The following CELF2 variants were observed in gnomAD, a reference collection of about 807,000 sequenced individuals.
CELF2 encodes CUG triplet repeat RNA-binding protein 2.
Under a neutral mutation model 62.6 loss-of-function variants are expected in CELF2, and 8 were observed. The observed-to-expected ratio is 0.13, with a 90% CI of 0.07 to 0.23. CELF2 has a LOEUF of 0.23. CELF2 is among the 10% of genes least tolerant of loss of function. The pLI, the probability that CELF2 is intolerant of heterozygous loss-of-function variation, is 1.00. For synonymous variants in CELF2, 258 were observed against 250.0 expected, an observed-to-expected ratio of 1.03 and a Z score of -0.30; for missense variants, 333 against 671.0, an observed-to-expected ratio of 0.50 and a Z score of 5.56.
At chr10:11,312,750 ATGGTGAAACCCCG>A (rs1231947000) in intron 9 of CELF2, among the ~76,000 whole-genome samples, 1 of 152,232 alleles carries the variant, frequency 6.6e-6, no homozygotes, top group Non-Finnish European at 1.5e-5. Flanking sequence ...CCTGGCCAAC[ATGGTGAAACCCCG>A]TCTCTAATAA....
chr10:10,802,438 C>T (rs2131541694), intron 1 of CELF2, among the ~76,000 whole-genome samples: 1 of 152,236 alleles, frequency 6.6e-6, no homozygotes, highest in Non-Finnish European at 1.5e-5. Flanking sequence ...CCACTGCACT[C>T]CAGCCTGGGT....
the CELF2 span, among the ~76,000 whole-genome samples, chr10:10,780,149 A>G: frequency 6.6e-6 from 1 of 152,162 alleles, no homozygotes; most frequent in African/African-American, 2.4e-5. Flanking sequence ...TCTTTGAAAA[A>G]AGTACATTTT....
chr10:11,175,528 GTTTGAGCCAAACT>G (rs1231089302), intron 2 of CELF2, among the ~76,000 whole-genome samples: 1 of 152,182 alleles, frequency 6.6e-6, no homozygotes, highest in African/African-American at 2.4e-5. Flanking sequence ...AACATGTAGA[GTTTGAGCCAAACT>G]TTTACAGAGA....
the CELF2 span, among the ~76,000 whole-genome samples, chr10:10,627,349 C>T: frequency 6.6e-6 from 1 of 152,152 alleles, no homozygotes; most frequent in Non-Finnish European, 1.5e-5. Context: ...TTTTTAGCTG[C>T]TTGTCGGCTA....
rs1253327490 is a variant in CELF2 at position 10,947,191 on chromosome 10, C to T, written c.89+27192C>T. Reference sequence around the variant, plus strand: ...AGAAGTGCACAGGCTCGCTTTCAAACACAAAAGCTCAGCACACACTTACTC... The same window carrying T: ...AGAAGTGCACAGGCTCGCTTTCAAATACAAAAGCTCAGCACACACTTACTC... On this transcript the variant is annotated intron_variant, in intron 2 of 13. Transcript: ENST00000636488. This position sits in a 1 kb window ranked among gnomAD's most constrained non-coding sequence, Gnocchi z 4.1. 2 of 152,242 alleles carry T rather than the reference C, an allele frequency of 1.3e-5. No individual in the cohort carries two copies. Among genetic ancestry groups the T allele is most frequent in the African/African-American group, 4.8e-5 (2 of 41,446 alleles). The allele number at this position is 152,242 out of a possible 1,614,324, so 9.4% of individuals were successfully genotyped here. A position where few individuals can be genotyped will look rare whatever the true frequency, so the allele number is the denominator to read the frequency against.
intron 3 of CELF2, among the ~76,000 whole-genome samples, chr10:11,239,634 T>C (rs1212567392): frequency 2.0e-5 from 3 of 152,236 alleles, no homozygotes; most frequent in African/African-American, 7.2e-5. Flanking sequence ...GTAGTTTTTT[T>C]CCCCTGGTTG....
chr10:11,329,182 TTACAA>T lies in CELF2; in HGVS notation c.*132_*136del. 1.0e-6 allele frequency: 1 copy of T among 976,572 alleles called. No homozygotes were observed. The highest frequency in any genetic ancestry group is 1.5e-6 in the Non-Finnish European group (1 of 680,716). 60.5% of individuals were successfully genotyped at this position (976,572 alleles called of 1,614,324 possible). On this transcript the variant is annotated 3_prime_UTR_variant, in exon 13 of 13. Coordinates refer to ENST00000633077, the MANE Select transcript of CELF2 (RefSeq NM_001326342.2). The surrounding 1 kb of genome is among the most constrained non-coding windows in gnomAD (Gnocchi z 5.5). Reference sequence around the variant, plus strand: ...CTTTTACCAAGAGAGACGGTTATTTTTACAATAAGGCCTCCATGTCCCCACCCACT... The same window carrying T: ...CTTTTACCAAGAGAGACGGTTATTTTTAAGGCCTCCATGTCCCCACCCACT...
Position 11,257,811 on chromosome 10 carries a change from C to T in CELF2, c.477C>T (p.Phe159=), listed in dbSNP as rs1276964628. The T allele has an allele frequency of 6.2e-7, 1 of 1,614,056 alleles. No individual in the cohort carries two copies. Among genetic ancestry groups the T allele is most frequent in the Non-Finnish European group, 8.5e-7 (1 of 1,179,962 alleles). ...KCNENDIRVM[F]SPFGQIEECR... Reference sequence around the variant, plus strand: ...ATGAGAACGACATCAGGGTGATGTTCTCTCCATTTGGCCAGATAGAAGAAT... The same window carrying T: ...ATGAGAACGACATCAGGGTGATGTTTTCTCCATTTGGCCAGATAGAAGAAT... Residue 159 remains phenylalanine (F), a synonymous_variant, in exon 5 of 13, where the codon TTC becomes TTT. Transcript: ENST00000633077.
chr10:10,657,747 A>G, the CELF2 span, among the ~76,000 whole-genome samples: 102 of 152,254 alleles, frequency 6.7e-4, no homozygotes, highest in East Asian at 0.02. Context: ...GCATCCCACA[A>G]GGTTTTCCAT....
intron 4 of CELF2, among the ~76,000 whole-genome samples, chr10:11,252,025 A>G (rs1282915526): frequency 6.6e-6 from 1 of 152,224 alleles, no homozygotes; most frequent in African/African-American, 2.4e-5. Context: ...CTGAATTTTC[A>G]GTAAGAAAAG....
chr10:10,845,973 A>G (rs2058987957), intron 1 of CELF2: 2 of 211,596 alleles, frequency 9.5e-6, no homozygotes, highest in Non-Finnish European at 8.2e-6. Flanking sequence ...TTAATTCAAT[A>G]TGGTACATCA....
intron 1 of CELF2, among the ~76,000 whole-genome samples, chr10:10,841,453 T>C (rs924517223): frequency 6.6e-6 from 1 of 151,514 alleles, no homozygotes; most frequent in Non-Finnish European, 1.5e-5. Flanking sequence ...TGTAGGTCTG[T>C]GTCTAGGTTC....
chr10:10,647,344 A>G, the CELF2 span, among the ~76,000 whole-genome samples: 3 of 152,148 alleles, frequency 2.0e-5, no homozygotes, highest in African/African-American at 7.2e-5. Flanking sequence ...ACATGTGGGT[A>G]TGGACACCCT....
chr10:10,897,468 AATTG>A (rs2062640624), intron 1 of CELF2, among the ~76,000 whole-genome samples: 1 of 152,194 alleles, frequency 6.6e-6, no homozygotes, highest in Admixed American at 6.5e-5. Context: ...AAGAAAAAAA[AATTG>A]AGGGAGTAAC....
chr10:10,789,758 A>G, the CELF2 span, among the ~76,000 whole-genome samples: 2 of 152,028 alleles, frequency 1.3e-5, no homozygotes, highest in Non-Finnish European at 2.9e-5. Context: ...TTCTTCCTCC[A>G]TACATTTTCT....
the CELF2 span, among the ~76,000 whole-genome samples, chr10:10,749,853 A>G: frequency 3.3e-5 from 5 of 152,266 alleles, no homozygotes; most frequent in African/African-American, 9.6e-5. Flanking sequence ...TAATGAGCCA[A>G]TCTGACTGTT....
intron 2 of CELF2, among the ~76,000 whole-genome samples, chr10:11,196,362 A>G (rs1298728997): frequency 6.6e-6 from 1 of 152,244 alleles, no homozygotes; most frequent in Non-Finnish European, 1.5e-5. Context: ...GAATTCATCT[A>G]TTAACAGGAT....
chr10:11,319,820 A>G lies in CELF2; in HGVS notation c.1097-1369A>G, dbSNP rs2140915470. The G allele has an allele frequency of 2.1e-6, 1 of 471,078 alleles. No individual in the cohort carries two copies. Among genetic ancestry groups the G allele is most frequent in the Middle Eastern group, 3.2e-4 (1 of 3,078 alleles). 29.2% of individuals were successfully genotyped at this position (471,078 alleles called of 1,614,324 possible). A position where few individuals can be genotyped will look rare whatever the true frequency, so the allele number is the denominator to read the frequency against. Reference sequence around the variant, plus strand: ...TGTGTCCTTTTAATTGAAGAGGCGAAGTTGGCCAAATAGAAGCACAAGTGG... The same window carrying G: ...TGTGTCCTTTTAATTGAAGAGGCGAGGTTGGCCAAATAGAAGCACAAGTGG... On this transcript the variant is annotated intron_variant, in intron 10 of 12. Transcript: ENST00000633077. This position sits in a 1 kb window ranked among gnomAD's most constrained non-coding sequence, Gnocchi z 4.4.
the CELF2 span, among the ~76,000 whole-genome samples, chr10:10,679,796 A>G: frequency 2.0e-5 from 3 of 152,212 alleles, no homozygotes; most frequent in Non-Finnish European, 4.4e-5. Context: ...ATTGCTGTCC[A>G]TTGAAAAATA....
Sources: allele counts gnomAD v4.1 joint callset (sites outside exome capture counted in the v4.1 genomes callset), GRCh38; gene constraint gnomAD v4.1.1; non-coding constraint Gnocchi (gnomAD v3.1); transcripts MANE v1.5; gene names NCBI Gene and HGNC (gene_info 2026-07-23, HGNC 2026-07-21).